ARID5B: variants seen among roughly 807,000 people sequenced by gnomAD.
ARID5B encodes AT-rich interaction domain 5B, also known as AT-rich interactive domain-containing protein 5B.
A neutral mutation model predicts 97.2 loss-of-function variants in ARID5B; 13 were observed. The ratio of observed to expected loss-of-function variants is 0.13; its 90% confidence interval spans 0.09 to 0.21. The LOEUF (loss-of-function observed/expected upper bound fraction) is 0.21. Among genes scored for constraint, ARID5B ranks in the 10% least tolerant of loss-of-function variants. The pLI is 1.00. For missense variants in ARID5B, 1,210 were observed against 1,465.3 expected, an observed-to-expected ratio of 0.83 and a Z score of 2.84; for synonymous variants, 556 against 570.3, an observed-to-expected ratio of 0.97 and a Z score of 0.36.
chr10:61,983,080 C>T (rs1464131533), intron 3 of ARID5B, among the ~76,000 whole-genome samples: 1 of 152,124 alleles, frequency 6.6e-6, no homozygotes, highest in African/African-American at 2.4e-5. Context: ...GAGCCTCTGA[C>T]TAAATCCTTA....
intron 3 of ARID5B, among the ~76,000 whole-genome samples, chr10:61,999,239 G>A (rs1481657322): frequency 6.6e-6 from 1 of 152,168 alleles, no homozygotes; most frequent in Admixed American, 6.5e-5. Flanking sequence ...CATCTTTGGG[G>A]CCAGATGACC....
At chr10:62,042,217 G>A (rs910426233) in intron 4 of ARID5B, among the ~76,000 whole-genome samples, 1 of 152,164 alleles carries the variant, frequency 6.6e-6, no homozygotes, top group Admixed American at 6.5e-5. Context: ...GAAAACAGGA[G>A]CTATTTCAAA....
intron 3 of ARID5B, among the ~76,000 whole-genome samples, chr10:61,942,529 C>T (rs144573481): frequency 0.023 from 3,463 of 152,284 alleles, 137 homozygotes; most frequent in African/African-American, 0.079. Flanking sequence ...CGGTGGCTCA[C>T]GCCTGTAATC....
chr10:61,903,834 G>T (rs574642292), intron 2 of ARID5B, among the ~76,000 whole-genome samples: 3 of 151,874 alleles, frequency 2.0e-5, no homozygotes, highest in East Asian at 1.9e-4. Flanking sequence ...TCGTCGAAAC[G>T]TTCGCCCTCG....
At chr10:61,965,130 AG>A (rs979076960) in intron 3 of ARID5B, among the ~76,000 whole-genome samples, 1 of 152,230 alleles carries the variant, frequency 6.6e-6, no homozygotes, top group Non-Finnish European at 1.5e-5. Context: ...ACACACAAAA[AG>A]GTAAACATTG....
At chr10:62,090,512 C>T (rs914920815) in intron 9 of ARID5B, among the ~76,000 whole-genome samples, 1 of 152,070 alleles carries the variant, frequency 6.6e-6, no homozygotes, top group Non-Finnish European at 1.5e-5. Flanking sequence ...TAATTTAAAA[C>T]CCATTTGGAT....
chr10:62,069,974 A>G (rs1189276277), intron 8 of ARID5B, among the ~76,000 whole-genome samples, 177 bp downstream of exon 8: 2 of 151,634 alleles, frequency 1.3e-5, no homozygotes, highest in African/African-American at 4.8e-5. Context: ...TTCTCTTGTT[A>G]CAGGGGCTAA....
At position 62,000,389 on chromosome 10, in the gene ARID5B, G is replaced by T. The variant is rs376431520; in HGVS notation, c.733+68G>T. ...GTGCCTAGTTGTTTTCAGTTCTTCT[G>T]AAGAGCGGTGATGGGGAACGGGGCT... On this transcript the variant is annotated intron_variant, in intron 4 of 9. Transcript: ENST00000279873. This position sits in a 1 kb window ranked among gnomAD's most constrained non-coding sequence, Gnocchi z 4.4. 1 of 1,403,770 alleles carries T rather than the reference G, an allele frequency of 7.1e-7. No homozygotes were observed. Among genetic ancestry groups the T allele is most frequent in the African/African-American group, 1.4e-5 (1 of 68,982 alleles). 87.0% of individuals were successfully genotyped at this position (1,403,770 alleles called of 1,614,324 possible). A position where few individuals can be genotyped will look rare whatever the true frequency, so the allele number is the denominator to read the frequency against.
chr10:61,924,207 G>A (rs75653753), intron 2 of ARID5B, among the ~76,000 whole-genome samples: 96 of 152,280 alleles, frequency 6.3e-4, no homozygotes, highest in African/African-American at 2.1e-3. Context: ...CAACCTCCCC[G>A]AGGAGGCAAA....
intron 7 of ARID5B, among the ~76,000 whole-genome samples, chr10:62,064,419 G>A (rs994638822): frequency 4.6e-5 from 7 of 152,140 alleles, no homozygotes; most frequent in African/African-American, 1.2e-4. Context: ...TGTTGACTTC[G>A]TATTTCCTAC....
At chr10:61,969,004 C>T (rs1437997549) in intron 3 of ARID5B, among the ~76,000 whole-genome samples, 1 of 152,120 alleles carries the variant, frequency 6.6e-6, no homozygotes, top group African/African-American at 2.4e-5. Context: ...GCCTTCCATC[C>T]ACATGAAAAG....
At chr10:62,036,201 C>T (rs1344725830) in intron 4 of ARID5B, among the ~76,000 whole-genome samples, 1 of 152,112 alleles carries the variant, frequency 6.6e-6, no homozygotes, top group Non-Finnish European at 1.5e-5. Flanking sequence ...TCAGAGGAAG[C>T]CCAGGAACAA....
intron 4 of ARID5B, among the ~76,000 whole-genome samples, chr10:62,048,681 G>A (rs183213323): frequency 6.6e-6 from 1 of 152,342 alleles, no homozygotes; most frequent in African/African-American, 2.4e-5. Context: ...AATAAACCCA[G>A]TTTGGGGATG....
Position 61,909,318 on chromosome 10 carries a change from G to GTTTTTTTTTTTT in ARID5B, c.276+6919_276+6930dup, listed in dbSNP as rs777612375. Among the ~76,000 whole-genome samples the GTTTTTTTTTTTT allele has an allele frequency of 1.2e-4, 9 of 77,242 alleles. 1 individual carries two copies. The highest frequency in any genetic ancestry group is 1.6e-4 in the African/African-American group (3 of 19,128). The allele number at this position is 77,242 out of a possible 152,430, so 50.7% of individuals were successfully genotyped here. ...TGCAATATTTAGTGCTATTCAGTGA[G>GTTTTTTTTTTTT]TTTTTTTTTTTTTTTTTTTTTTTTT... On this transcript the variant is annotated intron_variant, in intron 2 of 9. Transcript: ENST00000279873.
At chr10:62,070,835 C>T (rs1016728543) in intron 8 of ARID5B, among the ~76,000 whole-genome samples, 1 of 152,060 alleles carries the variant, frequency 6.6e-6, no homozygotes, top group Non-Finnish European at 1.5e-5. Flanking sequence ...CAATACAACA[C>T]ATCAATTTTT....
At chr10:62,084,238 A>T (rs533082078) in intron 8 of ARID5B, among the ~76,000 whole-genome samples, 4 of 152,288 alleles carry the variant, frequency 2.6e-5, no homozygotes, top group South Asian at 2.1e-4. Flanking sequence ...ATAAATTGGG[A>T]TCTGATTTTC....
intron 3 of ARID5B, among the ~76,000 whole-genome samples, chr10:61,981,582 T>A (rs1301243165): frequency 5.9e-5 from 9 of 152,172 alleles, no homozygotes; most frequent in Non-Finnish European, 1.2e-4. Context: ...ATGCCTGGCC[T>A]GAGGTTTTTA....
Position 62,000,875 on chromosome 10 carries a change from G to GATAGATA in ARID5B, c.733+558_733+559insATAATAG, listed in dbSNP as rs1461279393. 7.8e-6 allele frequency among the ~76,000 whole-genome samples: 1 copy of GATAGATA among 127,404 alleles called. No individual in the cohort carries two copies. Among genetic ancestry groups the GATAGATA allele is most frequent in the Non-Finnish European group, 1.7e-5 (1 of 58,944 alleles). The allele number at this position is 127,404 out of a possible 152,430, so 83.6% of individuals were successfully genotyped here. A position where few individuals can be genotyped will look rare whatever the true frequency, so the allele number is the denominator to read the frequency against. On this transcript the variant is annotated intron_variant, in intron 4 of 9. Transcript: ENST00000279873. This position sits in a 1 kb window ranked among gnomAD's most constrained non-coding sequence, Gnocchi z 4.4. ...TAGATAGATAGATAGATAGATAGAT[G>GATAGATA]ATAGGTGATAGATATCCATGTCCTG...
At chr10:61,988,040 T>C (rs1838870433) in intron 3 of ARID5B, among the ~76,000 whole-genome samples, 1 of 152,220 alleles carries the variant, frequency 6.6e-6, no homozygotes, top group African/African-American at 2.4e-5. Context: ...CTGTCTTACA[T>C]CAGCTTACTC....
Sources: gnomAD v4.1 joint callset for allele counts (sites outside exome capture counted in the v4.1 genomes callset) on GRCh38, gnomAD v4.1.1 for gene constraint, Gnocchi (gnomAD v3.1) non-coding constraint, MANE v1.5 for transcripts, NCBI Gene and HGNC (gene_info 2026-07-23, HGNC 2026-07-21) for gene names.